The following ERBB4 variants were observed in gnomAD, a reference collection of about 807,000 sequenced individuals.
ERBB4 encodes erb-b2 receptor tyrosine kinase 4.
Under a neutral mutation model 158.0 loss-of-function variants are expected in ERBB4, and 42 were observed. The ratio of observed to expected loss-of-function variants is 0.27; its 90% CI spans 0.21 to 0.34. ERBB4 has a LOEUF of 0.34. Among genes scored for constraint, ERBB4 ranks in the 10% least tolerant of loss-of-function variants. ERBB4 has a pLI of 1.00. For synonymous variants in ERBB4, 583 were observed against 558.7 expected (o/e 1.04, Z -0.61); for missense variants, 1,333 against 1,624.1 (o/e 0.82, Z 3.08).
chr2:212,470,484 G>A (rs1240535574), intron 1 of ERBB4, among the ~76,000 whole-genome samples: 1 of 152,132 alleles, frequency 6.6e-6, no homozygotes, highest in Admixed American at 6.6e-5. Context: ...CTTCTCTGAG[G>A]TTTTCCAAAT....
At chr2:211,759,074 T>A (rs1458774096) in intron 4 of ERBB4, among the ~76,000 whole-genome samples, 1 of 152,172 alleles carries the variant, frequency 6.6e-6, no homozygotes, top group Non-Finnish European at 1.5e-5. Flanking sequence ...TCTCAGTCAA[T>A]AGCAGCTCAA....
At chr2:212,326,324 A>G (rs137858945) in intron 1 of ERBB4, among the ~76,000 whole-genome samples, 1 of 150,892 alleles carries the variant, frequency 6.6e-6, no homozygotes, top group East Asian at 1.9e-4. Context: ...CTGAAATACA[A>G]TACATTTTAA....
chr2:211,408,542 A>T (rs763513594), intron 25 of ERBB4, among the ~76,000 whole-genome samples: 24 of 152,222 alleles, frequency 1.6e-4, no homozygotes, highest in Non-Finnish European at 3.4e-4. Flanking sequence ...CTTTAGCGCC[A>T]GACTCTCCTT....
chr2:212,221,646 G>A lies in ERBB4; in HGVS notation c.83-96743C>T, dbSNP rs750300593. Among the ~76,000 whole-genome samples the A allele has an allele frequency of 4.9e-4, 74 of 151,466 alleles. 1 individual carries two copies. The highest frequency in any genetic ancestry group is 3.0e-5 in the Non-Finnish European group (2 of 67,580). The stretch of plus-strand genomic sequence containing the variant: ...CTGAGCAAAGAGGGAATAACAATCT[G>A]TGCCTGTCAAAAACAAAATATTCCT... On this transcript the variant is annotated intron_variant, in intron 1 of 27. Coordinates refer to ENST00000342788, the MANE Select transcript of ERBB4 (RefSeq NM_005235.3).
intron 1 of ERBB4, among the ~76,000 whole-genome samples, chr2:212,146,986 CTTTTTTTTT>C (rs34029473): frequency 5.2e-5 from 4 of 77,450 alleles, no homozygotes; most frequent in South Asian, 9.7e-4. Flanking sequence ...CATTGTTAGA[CTTTTTTTTT>C]TTTTTTTTTT....
chr2:211,716,558 C>T (rs1553616787), intron 7 of ERBB4, among the ~76,000 whole-genome samples: 1 of 127,856 alleles, frequency 7.8e-6, no homozygotes, highest in Admixed American at 7.2e-5. Context: ...CGCCTGTAGT[C>T]CCAGCTACTC....
At chr2:212,496,296 A>G (rs1690567520) in intron 1 of ERBB4, among the ~76,000 whole-genome samples, 2 of 151,876 alleles carry the variant, frequency 1.3e-5, no homozygotes, top group African/African-American at 4.8e-5. Context: ...AAAAAAAACA[A>G]AAAAACAGAC....
At chr2:211,387,513 C>CTA (rs1363401344) in intron 26 of ERBB4, among the ~76,000 whole-genome samples, 1 of 152,110 alleles carries the variant, frequency 6.6e-6, no homozygotes, top group East Asian at 1.9e-4. Flanking sequence ...AGACAGTTGT[C>CTA]ATTAAGAATA....
intron 1 of ERBB4, among the ~76,000 whole-genome samples, chr2:212,436,145 T>C (rs1574914393): frequency 6.6e-6 from 1 of 151,872 alleles, no homozygotes; most frequent in Non-Finnish European, 1.5e-5. Context: ...GTACATGTAA[T>C]CTCTAGAATA....
intron 9 of ERBB4, among the ~76,000 whole-genome samples, chr2:211,705,704 T>C (rs954213911): frequency 6.6e-6 from 1 of 152,228 alleles, no homozygotes; most frequent in African/African-American, 2.4e-5. Context: ...TATTTTGTTT[T>C]AAAAGTTTAT....
intron 3 of ERBB4, among the ~76,000 whole-genome samples, chr2:211,806,647 C>T (rs1449982585): frequency 6.6e-6 from 1 of 152,040 alleles, no homozygotes; most frequent in Non-Finnish European, 1.5e-5. Context: ...AGAAGGTAGT[C>T]TCCAGGGAAA....
chr2:212,238,758 G>T (rs1044314082), intron 1 of ERBB4, among the ~76,000 whole-genome samples: 1 of 151,906 alleles, frequency 6.6e-6, no homozygotes, highest in African/African-American at 2.4e-5. Flanking sequence ...AATTTTAATG[G>T]TAAATGATAC....
intron 19 of ERBB4, among the ~76,000 whole-genome samples, chr2:211,592,303 T>G (rs2125794682): frequency 6.6e-6 from 1 of 152,164 alleles, no homozygotes; most frequent in Admixed American, 6.6e-5. Flanking sequence ...CTTGCACAAG[T>G]TAAGTCCTTG....
chr2:212,288,794 G>A (rs1016176464), intron 1 of ERBB4, among the ~76,000 whole-genome samples: 1 of 151,830 alleles, frequency 6.6e-6, no homozygotes, highest in Admixed American at 6.6e-5. Context: ...CTAAGGCCCT[G>A]GGAATGATAC....
intron 1 of ERBB4, among the ~76,000 whole-genome samples, chr2:212,156,182 T>G (rs775047250): frequency 5.3e-5 from 8 of 152,028 alleles, no homozygotes; most frequent in Non-Finnish European, 8.8e-5. Flanking sequence ...AAACCTTCCC[T>G]GACATTTCCT....
At chr2:211,589,257 C>T (rs1022306387) in intron 19 of ERBB4, among the ~76,000 whole-genome samples, 7 of 152,096 alleles carry the variant, frequency 4.6e-5, no homozygotes, top group African/African-American at 1.7e-4. Context: ...TTCCTATTCC[C>T]TCAAGTAATT....
intron 16 of ERBB4, among the ~76,000 whole-genome samples, chr2:211,633,615 T>C (rs559217907): frequency 1.8e-4 from 27 of 147,714 alleles, no homozygotes; most frequent in African/African-American, 6.5e-4. Context: ...TTGTGTGTTC[T>C]CACTAGTTTT....
intron 1 of ERBB4, among the ~76,000 whole-genome samples, chr2:212,506,144 G>T (rs1244298463): frequency 6.7e-6 from 1 of 148,256 alleles, no homozygotes; most frequent in Non-Finnish European, 1.5e-5. Flanking sequence ...AGTGATCTTT[G>T]ATGTTACTAT....
intron 13 of ERBB4, among the ~76,000 whole-genome samples, chr2:211,675,752 C>CAT (rs1377943461): frequency 1.5e-5 from 2 of 135,334 alleles, no homozygotes; most frequent in African/African-American, 5.3e-5. Flanking sequence ...CATTTTTTAA[C>CAT]ATATATATAT....
Sources: gnomAD v4.1 joint callset for allele counts (sites outside exome capture counted in the v4.1 genomes callset) on GRCh38, gnomAD v4.1.1 for gene constraint, MANE v1.5 for transcripts, NCBI Gene and HGNC (gene_info 2026-07-23, HGNC 2026-07-21) for gene names.